The following ADAMTS9 variants were observed in gnomAD, a reference collection of about 807,000 sequenced individuals.
ADAMTS9 encodes ADAM metallopeptidase with thrombospondin type 1 motif 9, also known as A disintegrin and metalloproteinase with thrombospondin motifs 9.
ADAMTS9 carries 107 observed loss-of-function variants against 257.1 expected under a neutral mutation model. That is an observed-to-expected ratio of 0.42 (90% CI 0.36 to 0.49). The LOEUF (loss-of-function observed/expected upper bound fraction) is 0.49. ADAMTS9 is among the 20% of genes least tolerant of loss of function. The probability of loss-of-function intolerance (pLI) is 0.03; values close to 1 mark genes in which losing one functional copy is unlikely to be tolerated. For missense variants in ADAMTS9, 2,353 were observed against 2,469.1 expected (o/e 0.95, Z 1.00); for synonymous variants, 982 against 880.9 (o/e 1.11, Z -2.03).
rs561837529 is a variant in ADAMTS9, at chr3:64,653,248, T to C, written c.1316+1105A>G. The stretch of plus-strand genomic sequence containing the variant: ...TGGAATGGGAATTCTCTTCAAGGCT[T>C]CCTTGAGTTTCACAAAAGTGCCTCA... On this transcript the variant is annotated intron_variant, in intron 8 of 39. Transcript: ENST00000498707. 5.6e-4 allele frequency among the ~76,000 whole-genome samples: 85 copies of C among 152,274 alleles called. 1 individual carries two copies. The highest frequency in any genetic ancestry group is 1.9e-3 in the African/African-American group (81 of 41,556).
intron 2 of ADAMTS9, among the ~76,000 whole-genome samples, chr3:64,685,627 A>G (rs1701882218): frequency 6.6e-6 from 1 of 152,196 alleles, no homozygotes; most frequent in Non-Finnish European, 1.5e-5. Context: ...ACTGGAGGGC[A>G]CATGCGGGGG....
At chr3:64,529,982 ATTTTTTTT>A (rs200385291) in intron 38 of ADAMTS9, among the ~76,000 whole-genome samples, 1,393 of 106,532 alleles carry the variant, frequency 0.013, 50 homozygotes, top group East Asian at 0.1. Flanking sequence ...CAGTTATTTA[ATTTTTTTT>A]TTTTTTTTTT....
At chr3:64,636,516 AC>A (rs1367238831) in intron 12 of ADAMTS9, among the ~76,000 whole-genome samples, 2 of 152,234 alleles carry the variant, frequency 1.3e-5, no homozygotes, top group Non-Finnish European at 2.9e-5. Flanking sequence ...CATTCAAAGC[AC>A]TTGCACAAAG....
chr3:64,625,465 C>T (rs183082777), intron 16 of ADAMTS9, among the ~76,000 whole-genome samples: 59 of 152,280 alleles, frequency 3.9e-4, no homozygotes, highest in Admixed American at 3.3e-3. Context: ...AGAGATGAAG[C>T]TCTGAATATT....
At chr3:64,610,672 G>A (rs1428191976) in intron 22 of ADAMTS9, among the ~76,000 whole-genome samples, 3 of 151,932 alleles carry the variant, frequency 2.0e-5, no homozygotes, top group African/African-American at 7.3e-5. Flanking sequence ...ATTTTAAAAA[G>A]GGAAAATAAC....
chr3:64,637,280 G>C (rs923867372), intron 12 of ADAMTS9, among the ~76,000 whole-genome samples: 1 of 152,140 alleles, frequency 6.6e-6, no homozygotes, highest in Admixed American at 6.6e-5. Flanking sequence ...CTGAATAGGA[G>C]TATTTTTTCT....
intron 37 of ADAMTS9, among the ~76,000 whole-genome samples, chr3:64,536,928 G>A (rs979764615): frequency 6.6e-6 from 1 of 152,148 alleles, no homozygotes; most frequent in African/African-American, 2.4e-5. Flanking sequence ...GTAAAAGAAA[G>A]AAATTCTCAA....
intron 39 of ADAMTS9, among the ~76,000 whole-genome samples, chr3:64,518,757 C>T (rs1033930677): frequency 1.1e-4 from 16 of 139,986 alleles, no homozygotes; most frequent in African/African-American, 4.1e-4. Context: ...TTTATCATTA[C>T]CTTTTCATTT....
At chr3:64,558,226 G>T (rs1047467728) in intron 30 of ADAMTS9, among the ~76,000 whole-genome samples, 2 of 152,158 alleles carry the variant, frequency 1.3e-5, no homozygotes, top group Non-Finnish European at 2.9e-5. Flanking sequence ...AGGTGCCAGC[G>T]TGCAAGCTTC....
At chr3:64,568,560 T>G (rs1444452093) in intron 28 of ADAMTS9, 25 bp from the exon 29 acceptor site, 1 of 1,606,520 alleles carries the variant, frequency 6.2e-7, no homozygotes. Context: ...AATGGCAAGG[T>G]TGTTGTTGTT....
chr3:64,550,692 C>G, intron 31 of ADAMTS9, 200 bp downstream of exon 31: 1 of 615,638 alleles, frequency 1.6e-6, no homozygotes, highest in Non-Finnish European at 2.8e-6. Flanking sequence ...GAGACCATCT[C>G]TTACATCTCT....
intron 3 of ADAMTS9, among the ~76,000 whole-genome samples, chr3:64,661,863 T>G (rs999237360): frequency 6.6e-6 from 1 of 152,154 alleles, no homozygotes; most frequent in African/African-American, 2.4e-5. Flanking sequence ...TTATAGTAAG[T>G]AAAGTGTTAG....
intron 3 of ADAMTS9, among the ~76,000 whole-genome samples, chr3:64,675,635 C>CA (rs1246804379): frequency 1.3e-5 from 2 of 151,756 alleles, no homozygotes; most frequent in African/African-American, 4.8e-5. Flanking sequence ...CCAAATAAAC[C>CA]AAAAAAGGAG....
In ADAMTS9 at chr3:64,541,373, G is replaced by A. The variant is rs770928575; in HGVS notation, c.5334C>T (p.Tyr1778=). The A allele has an allele frequency of 2.2e-5, 35 of 1,613,958 alleles. No homozygotes were observed. The highest frequency in any genetic ancestry group is 1.6e-4 in the African/African-American group (12 of 74,892). ...CAGAGTCTCCATGCACCAGTGTCAC[G>A]TACTCTTTGGGGTGGTCAGAGTGCA... The part of the protein sequence containing the change: ...AGMHSDHPKE[Y]VTLVHGDSEN... Residue 1778 remains tyrosine, a synonymous_variant, in exon 35 of 40, where the codon TAC becomes TAT. Coordinates refer to ENST00000498707, the MANE Select transcript of ADAMTS9 (RefSeq NM_182920.2).
intron 29 of ADAMTS9, among the ~76,000 whole-genome samples, chr3:64,565,014 T>G (rs1332854745): frequency 6.6e-6 from 1 of 152,212 alleles, no homozygotes; most frequent in Admixed American, 6.5e-5. Flanking sequence ...TGCAGTCTTT[T>G]GTAGCAGGTC....
In ADAMTS9 at chr3:64,687,000, T is replaced by C. The variant is rs1453557024; in HGVS notation, c.116-32A>G. On this transcript the variant is annotated intron_variant, in intron 1 of 39. Transcript: ENST00000498707. This position sits in a 1 kb window ranked among gnomAD's most constrained non-coding sequence, Gnocchi z 4.6. Reference sequence around the variant, plus strand: ...AGAGAAGCAGAGGTATATGAACCAATAATTCATTTTTCCTTAAGCTTTAAT... The same window carrying C: ...AGAGAAGCAGAGGTATATGAACCAACAATTCATTTTTCCTTAAGCTTTAAT... 1 of 1,578,274 alleles carries C rather than the reference T, an allele frequency of 6.3e-7. No individual in the cohort carries two copies. The highest frequency in any genetic ancestry group is 1.9e-5 in the Admixed American group (1 of 53,808).
At chr3:64,644,228 C>T (rs74388175) in intron 11 of ADAMTS9, among the ~76,000 whole-genome samples, 29,796 of 152,108 alleles carry the variant, frequency 0.2, 3,965 homozygotes, top group East Asian at 0.59. Flanking sequence ...CAACACACTA[C>T]GAAGTAGGTA....
At position 64,680,374 on chromosome 3, in the gene ADAMTS9, G is replaced by A. The variant is rs115136025; in HGVS notation, c.679+827C>T. Among the ~76,000 whole-genome samples, 1,162 of 152,168 alleles carry A rather than the reference G, an allele frequency of 7.6e-3. 15 individuals carry two copies. The highest frequency in any genetic ancestry group is 0.027 in the African/African-American group (1,116 of 41,520). ...GGGAAGTCCAAGAATTTTTTTTTAA[G>A]TATTTTCACGAACATCCTAAGACGC... On this transcript the variant is annotated intron_variant, in intron 3 of 39. Coordinates refer to ENST00000498707, the MANE Select transcript of ADAMTS9 (RefSeq NM_182920.2).
rs1012015143 is a variant in ADAMTS9 at position 64,687,493 on chromosome 3, G to C, written c.115+50C>G. On this transcript the variant is annotated intron_variant, in intron 1 of 39. Transcript: ENST00000498707. This position sits in a 1 kb window ranked among gnomAD's most constrained non-coding sequence, Gnocchi z 4.4. Reference sequence around the variant, plus strand: ...GTGCCCCTGCCCAGGAGCGAGGACCGGGAGGCGGCGTCGGGGCCGGCGGGG... The same window carrying C: ...GTGCCCCTGCCCAGGAGCGAGGACCCGGAGGCGGCGTCGGGGCCGGCGGGG... The C allele has an allele frequency of 1.2e-5, 17 of 1,424,492 alleles. No individual in the cohort carries two copies. The highest frequency in any genetic ancestry group is 1.6e-5 in the Non-Finnish European group (17 of 1,059,604). 88.2% of individuals were successfully genotyped at this position (1,424,492 alleles called of 1,614,324 possible).
Sources: gnomAD v4.1 joint callset for allele counts (sites outside exome capture counted in the v4.1 genomes callset) on GRCh38, gnomAD v4.1.1 for gene constraint, Gnocchi (gnomAD v3.1) non-coding constraint, MANE v1.5 for transcripts, NCBI Gene and HGNC (gene_info 2026-07-23, HGNC 2026-07-21) for gene names.